The following KIAA1217 variants were observed in gnomAD, a reference collection of about 807,000 sequenced individuals.
KIAA1217 encodes sickle tail protein homolog.
A neutral mutation model predicts 163.9 loss-of-function variants in KIAA1217; 88 were observed. That is an observed-to-expected ratio of 0.54 (90% CI 0.45 to 0.64). The LOEUF (loss-of-function observed/expected upper bound fraction) is 0.64, where lower values mean the gene tolerates loss of function less well. KIAA1217 is among the 30% of genes least tolerant of loss of function. KIAA1217 has a pLI of 0.00. For missense variants in KIAA1217, 2,372 were observed against 2,475.0 expected (o/e 0.96, Z 0.88); for synonymous variants, 903 against 923.1 (o/e 0.98, Z 0.39).
At chr10:24,489,925 A>G (rs551360620) in intron 6 of KIAA1217, among the ~76,000 whole-genome samples, 13 of 151,252 alleles carry the variant, frequency 8.6e-5, no homozygotes, top group East Asian at 7.8e-4. Context: ...ATCATCCCCT[A>G]AACACAGATT....
At chr10:24,057,781 C>T (rs1004036635) in intron 2 of KIAA1217, among the ~76,000 whole-genome samples, 2 of 151,808 alleles carry the variant, frequency 1.3e-5, no homozygotes, top group African/African-American at 4.8e-5. Flanking sequence ...CGTAGGTGTT[C>T]CTTACCTACT....
At chr10:23,944,267 A>T (rs7071170) in intron 1 of KIAA1217, among the ~76,000 whole-genome samples, 1 of 151,942 alleles carries the variant, frequency 6.6e-6, no homozygotes, top group African/African-American at 2.4e-5. Flanking sequence ...TCTACTAAAA[A>T]TACAAAAATT....
rs139351594 is a variant in KIAA1217, at chr10:24,393,165, C to T, written c.553+12098C>T. ...TTGGTGTTCTCATCCTAGCAGTGGC[C>T]TCCAGAAGGCTGCCCGCTGATGTCC... is the stretch of plus-strand genomic sequence containing the variant. On this transcript the variant is annotated intron_variant, in intron 3 of 20. Transcript: ENST00000376454. Among the ~76,000 whole-genome samples the T allele has an allele frequency of 2.1e-3, 325 of 152,290 alleles. 1 individual carries two copies. The highest frequency in any genetic ancestry group is 7.5e-3 in the African/African-American group (313 of 41,564).
chr10:23,727,650 C>T (rs1289706863), intron 1 of KIAA1217, among the ~76,000 whole-genome samples: 1 of 152,092 alleles, frequency 6.6e-6, no homozygotes, highest in Non-Finnish European at 1.5e-5. Flanking sequence ...AAAAAATAGA[C>T]ATTTTAAAAT....
chr10:24,293,463 G>T (rs1003660431), intron 2 of KIAA1217, among the ~76,000 whole-genome samples: 20 of 152,172 alleles, frequency 1.3e-4, no homozygotes, highest in Non-Finnish European at 1.6e-4. Flanking sequence ...CCACTCTAGA[G>T]GAAAGCACCT....
At chr10:24,514,062 A>G (rs528709950) in intron 10 of KIAA1217, among the ~76,000 whole-genome samples, 1 of 152,334 alleles carries the variant, frequency 6.6e-6, no homozygotes, top group Admixed American at 6.5e-5. Context: ...AATGTTATTT[A>G]AGGTTCTTAT....
intron 3 of KIAA1217, among the ~76,000 whole-genome samples, chr10:24,430,240 C>T (rs914904114): frequency 1.3e-5 from 2 of 152,060 alleles, no homozygotes; most frequent in African/African-American, 4.8e-5. Context: ...GAGCTGGCCC[C>T]TTTGCCAGCA....
At position 24,224,743 on chromosome 10, in the gene KIAA1217, G is replaced by A. The variant is rs148871686; in HGVS notation, c.354+4834G>A. Among the ~76,000 whole-genome samples the A allele has an allele frequency of 1.8e-3, 269 of 151,846 alleles. 2 individuals carry two copies. The highest frequency in any genetic ancestry group is 6.1e-3 in the African/African-American group (252 of 41,392). On this transcript the variant is annotated intron_variant, in intron 2 of 20. Coordinates refer to ENST00000376454, the MANE Select transcript of KIAA1217 (RefSeq NM_019590.5). ...TACTGTTTCACTGGCAGCTTTTAGC[G>A]TGATAATATTCTGGTTTTTAGTGTC... is the stretch of plus-strand genomic sequence containing the variant.
chr10:23,741,168 T>C (rs1275121100), intron 1 of KIAA1217, among the ~76,000 whole-genome samples: 1 of 152,134 alleles, frequency 6.6e-6, no homozygotes, highest in African/African-American at 2.4e-5. Flanking sequence ...ATTAATGTAA[T>C]TCTGGATTGG....
At chr10:23,723,659 T>C (rs1269315890) in intron 1 of KIAA1217, among the ~76,000 whole-genome samples, 1 of 152,192 alleles carries the variant, frequency 6.6e-6, no homozygotes, top group Non-Finnish European at 1.5e-5. Context: ...TATAATTCTT[T>C]TATGTTTTTC....
At chr10:24,145,475 A>G (rs1285563941) in intron 2 of KIAA1217, among the ~76,000 whole-genome samples, 2 of 152,254 alleles carry the variant, frequency 1.3e-5, no homozygotes, top group African/African-American at 4.8e-5. Flanking sequence ...AAACTTCAAG[A>G]AAGGCAAAGC....
intron 1 of KIAA1217, among the ~76,000 whole-genome samples, chr10:23,731,821 G>C (rs548543770): frequency 6.6e-6 from 1 of 152,088 alleles, no homozygotes; most frequent in South Asian, 2.1e-4. Context: ...GTGAGTGTTA[G>C]ATTTTGTCAA....
chr10:24,149,599 T>C (rs1314686869), intron 2 of KIAA1217, among the ~76,000 whole-genome samples: 1 of 152,140 alleles, frequency 6.6e-6, no homozygotes, highest in East Asian at 1.9e-4. Context: ...CAAATTTTTA[T>C]TTTAAATAAA....
chr10:24,494,912 C>T (rs2066594603), intron 7 of KIAA1217: 18 of 580,198 alleles, frequency 3.1e-5, no homozygotes, highest in Middle Eastern at 9.0e-4. Flanking sequence ...TGCGTGTCCA[C>T]GTCGCCATCA....
intron 1 of KIAA1217, among the ~76,000 whole-genome samples, chr10:23,908,302 T>C (rs771184575): frequency 6.6e-6 from 1 of 152,056 alleles, no homozygotes; most frequent in Non-Finnish European, 1.5e-5. Flanking sequence ...ATCTTTTCCA[T>C]AATTTGGATT....
At chr10:24,509,312 G>T (rs1395765515) in intron 9 of KIAA1217, among the ~76,000 whole-genome samples, 1 of 152,174 alleles carries the variant, frequency 6.6e-6, no homozygotes, top group Non-Finnish European at 1.5e-5. Flanking sequence ...TGTAGACCTT[G>T]TTCATTCATG....
At chr10:23,764,515 T>C (rs1834417477) in intron 1 of KIAA1217, among the ~76,000 whole-genome samples, 1 of 152,116 alleles carries the variant, frequency 6.6e-6, no homozygotes, top group Non-Finnish European at 1.5e-5. Context: ...TACAGCACTA[T>C]TTACAATAGC....
At chr10:24,067,214 G>A (rs552795468) in intron 2 of KIAA1217, among the ~76,000 whole-genome samples, 2 of 152,218 alleles carry the variant, frequency 1.3e-5, no homozygotes, top group South Asian at 4.2e-4. Flanking sequence ...AGGAGGAGAG[G>A]CACTCTGATT....
intron 1 of KIAA1217, among the ~76,000 whole-genome samples, chr10:23,950,124 A>T (rs1407480826): frequency 3.3e-5 from 5 of 151,736 alleles, no homozygotes; most frequent in African/African-American, 1.2e-4. Context: ...ACCCTGAATG[A>T]CTCTACACCA....
Sources: gnomAD v4.1 joint callset for allele counts (sites outside exome capture counted in the v4.1 genomes callset) on GRCh38, gnomAD v4.1.1 for gene constraint, MANE v1.5 for transcripts, NCBI Gene and HGNC (gene_info 2026-07-23, HGNC 2026-07-21) for gene names.